RPTOR: variants seen among roughly 807,000 people sequenced by gnomAD.
The protein encoded by RPTOR is regulatory-associated protein of mTOR.
Under a neutral mutation model 169.9 loss-of-function variants are expected in RPTOR, and 21 were observed. The ratio of observed to expected loss-of-function variants is 0.12; its 90% confidence interval spans 0.09 to 0.18. The LOEUF (loss-of-function observed/expected upper bound fraction) is 0.18. Among genes scored for constraint, RPTOR ranks in the 10% least tolerant of loss-of-function variants. RPTOR has a pLI of 1.00. For synonymous variants in RPTOR, 732 were observed against 753.2 expected (o/e 0.97, Z 0.46); for missense variants, 1,133 against 1,855.9 (o/e 0.61, Z 7.16).
At chr17:80,785,622 C>T (rs1443165418) in intron 6 of RPTOR, among the ~76,000 whole-genome samples, 3 of 152,106 alleles carry the variant, frequency 2.0e-5, no homozygotes, top group Non-Finnish European at 4.4e-5. Context: ...GCAGTTTCCG[C>T]GGCCAGGCTG....
chr17:80,565,871 G>A (rs1023322704), intron 1 of RPTOR, among the ~76,000 whole-genome samples: 8 of 152,248 alleles, frequency 5.3e-5, no homozygotes, highest in African/African-American at 1.7e-4. Flanking sequence ...GGTGTTAAGC[G>A]GCGAGCCAGG....
At chr17:80,688,450 G>A (rs1419521346) in intron 3 of RPTOR, among the ~76,000 whole-genome samples, 1 of 152,210 alleles carries the variant, frequency 6.6e-6, no homozygotes, top group Non-Finnish European at 1.5e-5. Flanking sequence ...AAGGTAAATG[G>A]TTCAGTATTG....
intron 21 of RPTOR, among the ~76,000 whole-genome samples, chr17:80,919,852 G>T (rs1399252087): frequency 6.6e-6 from 1 of 152,218 alleles, no homozygotes; most frequent in South Asian, 2.1e-4. Context: ...CTCTCTGGAC[G>T]CAGACCTCCC....
chr17:80,884,362 C>T lies in RPTOR; in HGVS notation c.1842+390C>T, dbSNP rs140503473. Among the ~76,000 whole-genome samples, 61 of 152,320 alleles carry T rather than the reference C, an allele frequency of 4.0e-4. 2 individuals carry two copies. Among genetic ancestry groups the T allele is most frequent in the African/African-American group, 1.4e-3 (57 of 41,574 alleles). On this transcript the variant is annotated intron_variant, in intron 16 of 33. Coordinates refer to ENST00000306801, the MANE Select transcript of RPTOR (RefSeq NM_020761.3). ...GTGCCTGGTGCAGCTGGGAAAGGTG[C>T]GGGGCACTGCCCACAGAGTGGCCGC...
At chr17:80,585,177 T>C (rs2065048354) in intron 1 of RPTOR, among the ~76,000 whole-genome samples, 1 of 129,560 alleles carries the variant, frequency 7.7e-6, no homozygotes, top group Admixed American at 7.2e-5. Flanking sequence ...TTATTATTAT[T>C]ATTATTATTA....
At chr17:80,727,497 A>G (rs189609475) in intron 4 of RPTOR, among the ~76,000 whole-genome samples, 23 of 147,240 alleles carry the variant, frequency 1.6e-4, no homozygotes, top group Admixed American at 8.8e-4. Context: ...CTCTGACCAC[A>G]TCATGCTCTG....
chr17:80,799,288 G>A (rs72852801), intron 7 of RPTOR, among the ~76,000 whole-genome samples: 8,224 of 152,308 alleles, frequency 0.054, 235 homozygotes, highest in South Asian at 0.12. Context: ...GACCGGGGGC[G>A]TGGAAACCCC....
intron 5 of RPTOR, 68 bp from the exon 6 acceptor site, chr17:80,753,942 C>T: frequency 1.5e-6 from 2 of 1,359,568 alleles, no homozygotes; most frequent in Non-Finnish European, 2.1e-6. Context: ...GTTACAGCTG[C>T]AGCTTACTAT....
chr17:80,582,834 G>A (rs1256134503), intron 1 of RPTOR, among the ~76,000 whole-genome samples: 7 of 151,896 alleles, frequency 4.6e-5, no homozygotes, highest in African/African-American at 1.7e-4. Flanking sequence ...GTGAGCCACC[G>A]CGCATGGCCA....
chr17:80,694,783 C>G (rs377361160), intron 3 of RPTOR, among the ~76,000 whole-genome samples: 14 of 152,232 alleles, frequency 9.2e-5, no homozygotes, highest in Admixed American at 2.0e-4. Flanking sequence ...CCATCCACCC[C>G]ATTCTGGCGG....
At chr17:80,645,313 T>TACTTCTGGCC (rs1211756278) in intron 3 of RPTOR, among the ~76,000 whole-genome samples, 2 of 152,340 alleles carry the variant, frequency 1.3e-5, no homozygotes, top group African/African-American at 4.8e-5. Flanking sequence ...CCTTTCTGGC[T>TACTTCTGGCC]ACTTCTGGCC....
chr17:80,940,340 T>A (rs2069008952), intron 24 of RPTOR, 156 bp from the exon 25 acceptor site: 1 of 591,142 alleles, frequency 1.7e-6, no homozygotes, highest in Non-Finnish European at 3.0e-6. Context: ...CCGGAGGATG[T>A]GTTCTGCTTG....
rs1321553751 is a variant in RPTOR, at chr17:80,876,752, C to T, written c.1510-3663C>T. 3.1e-4 allele frequency among the ~76,000 whole-genome samples: 37 copies of T among 117,794 alleles called. No individual in the cohort carries two copies. In the South Asian group the frequency reaches 4.5e-3, roughly 14 times the overall value. 77.3% of individuals were successfully genotyped at this position (117,794 alleles called of 152,430 possible). On this transcript the variant is annotated intron_variant, in intron 13 of 33. Coordinates refer to ENST00000306801, the MANE Select transcript of RPTOR (RefSeq NM_020761.3). ...CGGGTCTTCCACCGAGCCCGTGCCA[C>T]GCAGGGTGTGTGTGTCGCCTGCCGG...
chr17:80,891,888 A>G, intron 18 of RPTOR, 51 bp downstream of exon 18: 7 of 1,330,166 alleles, frequency 5.3e-6, no homozygotes, highest in Non-Finnish European at 7.5e-6. Context: ...TGGCGGTTCT[A>G]GTGCAGGCCG....
chr17:80,848,062 G>A (rs1238708341), intron 11 of RPTOR, among the ~76,000 whole-genome samples: 1 of 152,242 alleles, frequency 6.6e-6, no homozygotes, highest in African/African-American at 2.4e-5. Flanking sequence ...GCCAGAGAAA[G>A]AGGAGTTGGG....
intron 19 of RPTOR, among the ~76,000 whole-genome samples, chr17:80,893,393 A>G (rs2068355081): frequency 9.9e-6 from 1 of 100,880 alleles, no homozygotes; most frequent in South Asian, 3.9e-4. Flanking sequence ...TGTGCATGCC[A>G]GGGTGTGTGT....
chr17:80,786,294 A>G (rs1214809606), intron 6 of RPTOR, among the ~76,000 whole-genome samples: 1 of 152,196 alleles, frequency 6.6e-6, no homozygotes, highest in African/African-American at 2.4e-5. Context: ...TGGTGGGTTT[A>G]TACAAATTTT....
At chr17:80,545,895 G>C in intron 1 of RPTOR, 104 bp downstream of exon 1, 1 of 993,318 alleles carries the variant, frequency 1.0e-6, no homozygotes, top group Non-Finnish European at 1.4e-6. Context: ...TTTCCCCCTA[G>C]CCACACGTTG....
intron 3 of RPTOR, among the ~76,000 whole-genome samples, chr17:80,698,586 C>T (rs889098653): frequency 6.6e-6 from 1 of 152,196 alleles, no homozygotes; most frequent in African/African-American, 2.4e-5. Context: ...GCTGGTCAAC[C>T]TCCTCAGCCT....
Sources: allele counts gnomAD v4.1 joint callset (sites outside exome capture counted in the v4.1 genomes callset), GRCh38; gene constraint gnomAD v4.1.1; transcripts MANE v1.5; gene names NCBI Gene and HGNC (gene_info 2026-07-23, HGNC 2026-07-21).